PRX: variants seen among roughly 807,000 people sequenced by gnomAD.
The protein encoded by PRX is periaxin.
Under a neutral mutation model 29.6 loss-of-function variants are expected in PRX, and 24 were observed. The ratio of observed to expected loss-of-function variants is 0.81; its 90% CI spans 0.59 to 1.14. The LOEUF (loss-of-function observed/expected upper bound fraction) is 1.14, where lower values mean the gene tolerates loss of function less well. Among genes scored for constraint, PRX ranks in the 50% most tolerant of loss-of-function variants. The pLI is 0.00. For synonymous variants in PRX, 772 were observed against 831.7 expected, an observed-to-expected ratio of 0.93 and a Z score of 1.24; for missense variants, 1,838 against 1,926.4, an observed-to-expected ratio of 0.95 and a Z score of 0.86.
In PRX at chr19:40,398,101, C is replaced by T; in HGVS notation, c.382-131G>A. The T allele has an allele frequency of 6.9e-7, 1 of 1,447,230 alleles. No homozygotes were observed. 89.6% of individuals were successfully genotyped at this position (1,447,230 alleles called of 1,614,324 possible). A position where few individuals can be genotyped will look rare whatever the true frequency, so the allele number is the denominator to read the frequency against. On this transcript the variant is annotated intron_variant, in intron 6 of 6. Coordinates refer to ENST00000324001, the MANE Select transcript of PRX (RefSeq NM_181882.3). The surrounding 1 kb of genome is among the most constrained non-coding windows in gnomAD (Gnocchi z 6.3). ...AAGTATCTTGTTCCCCAAACATCAT[C>T]CCCACTTCTTGCCTGTCATTTCACC...
At chr19:40,407,172 G>A (rs911665779) in intron 4 of PRX, among the ~76,000 whole-genome samples, 4 of 150,988 alleles carry the variant, frequency 2.6e-5, no homozygotes, top group African/African-American at 9.8e-5. Context: ...TTTGAGCCAT[G>A]GGTCCAAGCC....
In PRX at chr19:40,395,748, C is replaced by G. The variant is rs2079428072; in HGVS notation, c.2604G>C (p.Gln868His). The G allele has an allele frequency of 1.2e-6, 2 of 1,613,940 alleles. No individual in the cohort carries two copies. The highest frequency in any genetic ancestry group is 2.2e-5 in the East Asian group (1 of 44,866). Residue 868 changes from glutamine to histidine, a missense_variant, in exon 7 of 7, where the codon CAG becomes CAC. By Grantham distance (24) the Gln-to-His change is conservative (BLOSUM62 0). This residue lies in a region of PRX where 1,143 missense variants were observed against 1,193.0 expected (regional missense o/e 0.96). Transcript: ENST00000324001. ...ELDLPGALGL[Q>H]GQVPAAKMGK... ...CCATTTTAGCGGCTGGGACCTGCCC[C>G]TGCAGGCCAAGTGCTCCTGGCAGGT...
Position 40,396,995 on chromosome 19 carries a change from G to A in PRX, c.1357C>T (p.Pro453Ser). ...GGAAGGGCTGCCTCGGGCACTTTTG[G>A]AAGCTTGACCTCAGGAGCCTTGGGG... ...KLPKAPEVKLPKVPEAALPEV... is the reference protein window; with the variant it reads ...KLPKAPEVKLSKVPEAALPEV... The change falls in exon 7 of 7, where the codon CCA (proline) becomes TCA (serine). Residue 453 changes from proline to serine, a missense_variant. Physicochemically the swap from Pro to Ser is moderately conservative, Grantham distance 74. Coordinates refer to ENST00000324001, the MANE Select transcript of PRX (RefSeq NM_181882.3). 6.2e-7 allele frequency: 1 copy of A among 1,614,158 alleles called. No individual in the cohort carries two copies.
At chr19:40,399,850 C>CTTTCCTTTCTTT (rs2079475654) in intron 5 of PRX, among the ~76,000 whole-genome samples, 1 of 119,624 alleles carries the variant, frequency 8.4e-6, no homozygotes, top group Non-Finnish European at 1.8e-5. Context: ...AGCTTTCTTT[C>CTTTCCTTTCTTT]CTTTCTTTCT....
rs990814523 is a variant in PRX at position 40,397,056 on chromosome 19, G to A, written c.1296C>T (p.Pro432=). 5.6e-6 allele frequency: 9 copies of A among 1,614,064 alleles called. No individual in the cohort carries two copies. Among genetic ancestry groups the A allele is most frequent in the East Asian group, 4.5e-5 (2 of 44,880 alleles). The change falls in exon 7 of 7, where the codon CCC becomes CCT. Residue 432 remains proline, a synonymous_variant. Transcript: ENST00000324001. ...CAGGTCCCTTGGGCACCTTGACCTC[G>A]GGCCCTGACACTCCGATGCCAAGGG... The part of the protein sequence containing the change: ...MPSLGIGVSG[P]EVKVPKGPEV...
chr19:40,396,965 C>T lies in PRX; in HGVS notation c.1387G>A (p.Val463Ile). The T allele has an allele frequency of 6.2e-7, 1 of 1,614,136 alleles. No homozygotes were observed. The highest frequency in any genetic ancestry group is 8.5e-7 in the Non-Finnish European group (1 of 1,180,022). ...GGGAGCTCCACCTCTGGGAGTCGAA[C>T]CTCTGGAAGGGCTGCCTCGGGCACT... Reference protein sequence around the residue: ...PKVPEAALPEVRLPEVELPKV... With the variant: ...PKVPEAALPEIRLPEVELPKV... The change falls in exon 7 of 7, where the codon GTT becomes ATT. Residue 463 changes from valine (V) to isoleucine (I), a missense_variant. Around this residue, in one of 3 missense-constraint regions of PRX, gnomAD observed 666 missense variants for 665.0 expected, o/e 1.00. Coordinates refer to ENST00000324001, the MANE Select transcript of PRX (RefSeq NM_181882.3).
intron 5 of PRX, among the ~76,000 whole-genome samples, chr19:40,401,477 C>T (rs1412522683): frequency 6.6e-6 from 1 of 152,138 alleles, no homozygotes; most frequent in African/African-American, 2.4e-5. Context: ...ACTGTTAATG[C>T]AGCAGTTCAG....
In PRX at chr19:40,395,510, C is replaced by G. The variant is rs1599652204; in HGVS notation, c.2842G>C (p.Ala948Pro). The change falls in exon 7 of 7, where the codon GCT becomes CCT. Residue 948 changes from alanine (A) to proline (P), a missense_variant. Around this residue, in one of 3 missense-constraint regions of PRX, gnomAD observed 1,143 missense variants for 1,193.0 expected, o/e 0.96. Coordinates refer to ENST00000324001, the MANE Select transcript of PRX (RefSeq NM_181882.3). Reference sequence around the variant, plus strand: ...TTGGTAGCTCGCCCAGCCCCCTCAGCCTCTGCCTTAGCCACCTTTGGCCCC... The same window carrying G: ...TTGGTAGCTCGCCCAGCCCCCTCAGGCTCTGCCTTAGCCACCTTTGGCCCC... ...LSGPKVAKAEAEGAGRATKLK... is the reference protein window; with the variant it reads ...LSGPKVAKAEPEGAGRATKLK... 6.2e-7 allele frequency: 1 copy of G among 1,614,222 alleles called. No individual in the cohort carries two copies. Among genetic ancestry groups the G allele is most frequent in the Non-Finnish European group, 8.5e-7 (1 of 1,180,040 alleles).
In PRX at chr19:40,398,312, G is replaced by C. The variant is rs2079461935; in HGVS notation, c.381+308C>G. On this transcript the variant is annotated intron_variant, in intron 6 of 6. Transcript: ENST00000324001. This position sits in a 1 kb window ranked among gnomAD's most constrained non-coding sequence, Gnocchi z 6.3. Reference sequence around the variant, plus strand: ...GTCCAGGGCCACTCAGCAGTAATTGGGCCAGCACTCAGGCTGGAATCTGGC... The same window carrying C: ...GTCCAGGGCCACTCAGCAGTAATTGCGCCAGCACTCAGGCTGGAATCTGGC... The C allele has an allele frequency of 7.0e-7, 1 of 1,423,892 alleles. No individual in the cohort carries two copies. Among genetic ancestry groups the C allele is most frequent in the Non-Finnish European group, 9.1e-7 (1 of 1,092,984 alleles). The allele number at this position is 1,423,892 out of a possible 1,614,324, so 88.2% of individuals were successfully genotyped here. A position where few individuals can be genotyped will look rare whatever the true frequency, so the allele number is the denominator to read the frequency against.
At chr19:40,413,642 A>G (rs1218654617), upstream of PRX, among the ~76,000 whole-genome samples, 1 of 152,158 alleles carries the variant, frequency 6.6e-6, no homozygotes, top group Non-Finnish European at 1.5e-5. Flanking sequence ...TTGGAGAATC[A>G]GGACCCCACC....
chr19:40,395,590 A>G lies in PRX; in HGVS notation c.2762T>C (p.Ile921Thr), dbSNP rs561046470. Residue 921 changes from isoleucine (I) to threonine (T), a missense_variant, in exon 7 of 7, where the codon ATA becomes ACA. Physicochemically the swap from Ile to Thr is moderately conservative, Grantham distance 89 (BLOSUM62 -1). Coordinates refer to ENST00000324001, the MANE Select transcript of PRX (RefSeq NM_181882.3). ...GGAAGAGGGCTTGACTTTTGTCTCT[A>G]TCATCTCCAGCCGCCCTTCCTCAAT... ...VEIEEGRLEM[I>T]ETKVKPSSKF... 2 of 1,614,120 alleles carry G rather than the reference A, an allele frequency of 1.2e-6. No individual in the cohort carries two copies. Among genetic ancestry groups the G allele is most frequent in the South Asian group, 2.2e-5 (2 of 91,074 alleles).
At chr19:40,413,757 G>A (rs926793026), upstream of PRX, among the ~76,000 whole-genome samples, 3 of 152,172 alleles carry the variant, frequency 2.0e-5, no homozygotes, top group South Asian at 2.1e-4. Flanking sequence ...AAATCGCAGC[G>A]CGACCACTTC....
In PRX at chr19:40,396,902, T is replaced by A. The variant is rs1462275457; in HGVS notation, c.1450A>T (p.Met484Leu). The part of the protein sequence containing the change: ...SEMKLPKVPE[M>L]AVPEVRLPEV... ...GGAAGCCGCACCTCCGGCACAGCCA[T>A]CTCTGGCACCTTTGGGAGTTTCATC... is the stretch of plus-strand genomic sequence containing the variant. Residue 484 changes from methionine to leucine, a missense_variant, in exon 7 of 7, where the codon ATG becomes TTG. Physicochemically the swap from Met to Leu is conservative, Grantham distance 15. This residue lies in a region of PRX where 666 missense variants were observed against 665.0 expected (regional missense o/e 1.00). Transcript: ENST00000324001. 5.6e-6 allele frequency: 9 copies of A among 1,613,768 alleles called. No homozygotes were observed. The South Asian group carries it at 8.8e-5, about 16-fold the overall frequency.
chr19:40,403,921 C>T, intron 4 of PRX, 59 bp from the exon 5 acceptor site: 1 of 1,569,904 alleles, frequency 6.4e-7, no homozygotes, highest in Non-Finnish European at 8.6e-7. Context: ...GCCCAGAGCC[C>T]GCCATTGCGC....
At position 40,395,060 on chromosome 19, in the gene PRX, C is replaced by A; in HGVS notation, c.3292G>T (p.Glu1098Ter). 1 of 1,612,734 alleles carries A rather than the reference C, an allele frequency of 6.2e-7. No homozygotes were observed. The highest frequency in any genetic ancestry group is 1.1e-5 in the South Asian group (1 of 91,078). Residue 1098 changes from glutamate to a stop codon, truncating the protein, a stop_gained, in exon 7 of 7, where the codon GAG becomes TAG. Coordinates refer to ENST00000324001, the MANE Select transcript of PRX (RefSeq NM_181882.3). LOFTEE classifies it low-confidence loss of function (END_TRUNC). ...ESTAVQLKIP[E>*]VELVTLGAQE... ...GCGCCCAGCGTGACCAGCTCCACCT[C>A]GGGGATCTTAAGCTGCACAGCGGTG...
At chr19:40,400,592 CAAAAAAAAAAAAAAAA>C in intron 5 of PRX, among the ~76,000 whole-genome samples, 1 of 44,832 alleles carries the variant, frequency 2.2e-5, no homozygotes, top group East Asian at 8.0e-4. Flanking sequence ...AATTCCATCT[CAAAAAAAAAAAAAAAA>C]AAAAAAAAAA....
intron 5 of PRX, among the ~76,000 whole-genome samples, chr19:40,402,226 T>C (rs530585603): frequency 4.0e-5 from 6 of 150,134 alleles, no homozygotes; most frequent in Non-Finnish European, 7.4e-5. Flanking sequence ...TGGTGGCGGG[T>C]GCCTGTAGTC....
At chr19:40,412,465 A>G (rs1256864937) in intron 1 of PRX, among the ~76,000 whole-genome samples, 1 of 152,110 alleles carries the variant, frequency 6.6e-6, no homozygotes, top group African/African-American at 2.4e-5. Context: ...CTGTATAGTA[A>G]ATGCTTGATT....
chr19:40,394,759 T>G lies in PRX; in HGVS notation c.3593A>C (p.Gln1198Pro), dbSNP rs560628995. 6.2e-7 allele frequency: 1 copy of G among 1,613,612 alleles called. No individual in the cohort carries two copies. Among genetic ancestry groups the G allele is most frequent in the East Asian group, 2.2e-5 (1 of 44,870 alleles). The change falls in exon 7 of 7, where the codon CAG (glutamine) becomes CCG (proline). Residue 1198 changes from glutamine to proline, a missense_variant. Gln to Pro is a moderately conservative substitution (Grantham distance 76). Transcript: ENST00000324001. The surrounding 1 kb of genome is among the most constrained non-coding windows in gnomAD (Gnocchi z 5.8). ...CACCAGCAGCTCACCACCTGCAACC[T>G]GGGCTCCAGGCAGAGACAGGGTCAC... ...PQVTLSLPGA[Q>P]VAGGELLVGE...
Sources: allele counts gnomAD v4.1 joint callset (sites outside exome capture counted in the v4.1 genomes callset), GRCh38; gene constraint gnomAD v4.1.1; regional missense constraint gnomAD v4.1.1; non-coding constraint Gnocchi (gnomAD v3.1); transcripts MANE v1.5; gene names NCBI Gene and HGNC (gene_info 2026-07-23, HGNC 2026-07-21).